MELK: variants seen among roughly 807,000 people sequenced by gnomAD.
The protein encoded by MELK is pEg3 kinase.
MELK carries 81 observed loss-of-function variants against 85.0 expected under a neutral mutation model. The observed-to-expected ratio is 0.95, with a 90% CI of 0.80 to 1.15. MELK has a LOEUF of 1.15. Among genes scored for constraint, MELK ranks in the 50% most tolerant of loss-of-function variants. MELK has a pLI of 0.00. For synonymous variants in MELK, 252 were observed against 265.0 expected, an observed-to-expected ratio of 0.95 and a Z score of 0.48; for missense variants, 754 against 777.5, an observed-to-expected ratio of 0.97 and a Z score of 0.36.
chr9:36,644,600 G>C (rs774071493), intron 11 of MELK, among the ~76,000 whole-genome samples: 39 of 152,192 alleles, frequency 2.6e-4, no homozygotes, highest in Non-Finnish European at 4.3e-4. Context: ...AGATTTGTGT[G>C]GTCCTCAGTC....
At chr9:36,653,536 A>G (rs1830919951) in intron 12 of MELK, among the ~76,000 whole-genome samples, 3 of 152,188 alleles carry the variant, frequency 2.0e-5, no homozygotes, top group Admixed American at 1.3e-4. Context: ...GTTTTGTGTG[A>G]TTCTTTGTAT....
intron 5 of MELK, among the ~76,000 whole-genome samples, chr9:36,596,706 C>A (rs867535938): frequency 1.3e-5 from 2 of 151,716 alleles, no homozygotes; most frequent in Admixed American, 1.3e-4. Flanking sequence ...TTTGCCTCAA[C>A]CTCCCAAGTA....
intron 8 of MELK, among the ~76,000 whole-genome samples, chr9:36,615,998 G>T (rs1826717267): frequency 6.6e-6 from 1 of 152,154 alleles, no homozygotes; most frequent in South Asian, 2.1e-4. Flanking sequence ...GGAGGCCAAG[G>T]CAGGCGGCTG....
chr9:36,607,048 G>A (rs547897409), intron 7 of MELK: 1 of 152,766 alleles, frequency 6.5e-6, no homozygotes. Flanking sequence ...GCCTCCCAAA[G>A]TGCTGGGATT....
chr9:36,615,454 A>C (rs1175069968), intron 8 of MELK, among the ~76,000 whole-genome samples: 25 of 74,354 alleles, frequency 3.4e-4, no homozygotes, highest in South Asian at 1.0e-3. Context: ...TGACCCCCCC[A>C]CCTCCCTCCC....
intron 4 of MELK, 53 bp from the exon 5 acceptor site, chr9:36,594,575 G>T: frequency 6.4e-7 from 1 of 1,573,434 alleles, no homozygotes; most frequent in Non-Finnish European, 8.6e-7. Flanking sequence ...TTAAATTTCT[G>T]TGAAGTGATT....
intron 9 of MELK, among the ~76,000 whole-genome samples, chr9:36,632,637 AT>A (rs1471190141): frequency 1.3e-5 from 2 of 152,224 alleles, no homozygotes; most frequent in African/African-American, 4.8e-5. Context: ...TTGTTGATTA[AT>A]TTTTCTCTCC....
At position 36,575,424 on chromosome 9, in the gene MELK, A is replaced by G. The variant is rs556029298; in HGVS notation, c.-39+2417A>G. 3.3e-5 allele frequency among the ~76,000 whole-genome samples: 5 copies of G among 152,298 alleles called. No homozygotes were observed. In the South Asian group the frequency reaches 1.0e-3, roughly 32 times the overall value. ...AGCTCCACATTCACAAAGATTTACA[A>G]ATCAAGTATAATCTGCTATTAGTGT... On this transcript the variant is annotated intron_variant, in intron 1 of 17. Coordinates refer to ENST00000298048, the MANE Select transcript of MELK (RefSeq NM_014791.4).
At chr9:36,660,572 T>C (rs898757068) in intron 13 of MELK, among the ~76,000 whole-genome samples, 1 of 152,034 alleles carries the variant, frequency 6.6e-6, no homozygotes, top group Admixed American at 6.5e-5. Flanking sequence ...TCCACCCGCG[T>C]TGGCCTCCCA....
chr9:36,597,313 T>A, intron 6 of MELK, 23 bp downstream of exon 6: 1 of 1,584,584 alleles, frequency 6.3e-7, no homozygotes, highest in Non-Finnish European at 8.7e-7. Context: ...ATAAGATGCA[T>A]CTATGTTCTT....
chr9:36,654,650 C>G (rs1271260566), intron 12 of MELK, among the ~76,000 whole-genome samples: 1 of 152,072 alleles, frequency 6.6e-6, no homozygotes, highest in East Asian at 1.9e-4. Context: ...ACCACCACAC[C>G]CGGCCTGGAT....
intron 1 of MELK, among the ~76,000 whole-genome samples, chr9:36,574,544 G>A (rs549915025): frequency 9.4e-4 from 142 of 151,656 alleles, no homozygotes; most frequent in Non-Finnish European, 1.7e-3. Flanking sequence ...CGGAGGTTGC[G>A]GTGAGCCGAG....
intron 8 of MELK, among the ~76,000 whole-genome samples, chr9:36,629,190 G>C (rs1428260691): frequency 6.6e-6 from 1 of 152,012 alleles, no homozygotes; most frequent in Admixed American, 6.6e-5. Context: ...ATTTAATCTG[G>C]GTGGAATTAA....
chr9:36,636,828 CT>C (rs149545817), intron 10 of MELK, among the ~76,000 whole-genome samples: 81 of 138,530 alleles, frequency 5.8e-4, no homozygotes, highest in Middle Eastern at 7.2e-3. Flanking sequence ...TTCTGTCTTT[CT>C]TGTCTTTCTT....
chr9:36,645,623 C>G (rs989887725), intron 11 of MELK, among the ~76,000 whole-genome samples: 1 of 152,204 alleles, frequency 6.6e-6, no homozygotes, highest in Non-Finnish European at 1.5e-5. Context: ...CACTCTAGAT[C>G]AGAGATTCTC....
chr9:36,613,975 T>G (rs1826291051), intron 8 of MELK, among the ~76,000 whole-genome samples: 1 of 152,102 alleles, frequency 6.6e-6, no homozygotes, highest in African/African-American at 2.4e-5. Flanking sequence ...TCACACTGGC[T>G]GCTATGTGGA....
intron 6 of MELK, among the ~76,000 whole-genome samples, chr9:36,599,061 C>T (rs777910805): frequency 1.4e-4 from 21 of 152,150 alleles, no homozygotes; most frequent in Middle Eastern, 3.4e-3. Flanking sequence ...TTTGGGAGGC[C>T]GAGGCGGGTG....
At chr9:36,612,596 G>A (rs1410591117) in intron 8 of MELK, among the ~76,000 whole-genome samples, 1 of 152,202 alleles carries the variant, frequency 6.6e-6, no homozygotes, top group Non-Finnish European at 1.5e-5. Context: ...TGTTGGCCAG[G>A]CTGGTCTCGA....
At chr9:36,590,418 G>T (rs1274099666) in intron 4 of MELK, among the ~76,000 whole-genome samples, 1 of 152,084 alleles carries the variant, frequency 6.6e-6, no homozygotes, top group Non-Finnish European at 1.5e-5. Context: ...CTAGTTGTTG[G>T]TAGTTGCTGG....
Sources: gnomAD v4.1 joint callset for allele counts (sites outside exome capture counted in the v4.1 genomes callset) on GRCh38, gnomAD v4.1.1 for gene constraint, MANE v1.5 for transcripts, NCBI Gene and HGNC (gene_info 2026-07-23, HGNC 2026-07-21) for gene names.